OTUD7B: variants seen among roughly 807,000 people sequenced by gnomAD.
OTUD7B encodes the protein OTU domain-containing protein 7B.
Under a neutral mutation model 82.2 loss-of-function variants are expected in OTUD7B, and 34 were observed. The observed-to-expected ratio is 0.41, with a 90% CI of 0.31 to 0.55. The LOEUF (loss-of-function observed/expected upper bound fraction) is 0.55. Ranked by LOEUF, OTUD7B falls within the 20% of genes least tolerant of loss-of-function variation. The pLI is 0.20. For synonymous variants in OTUD7B, 398 were observed against 402.7 expected (o/e 0.99, Z 0.14); for missense variants, 944 against 1,062.1 (o/e 0.89, Z 1.55).
At chr1:150,022,767 A>C in the OTUD7B span, among the ~76,000 whole-genome samples, 1 of 152,210 alleles carries the variant, frequency 6.6e-6, no homozygotes, top group African/African-American at 2.4e-5. Flanking sequence ...TTAACTCTTT[A>C]GTATCCCACC....
At chr1:150,029,277 C>T in the OTUD7B span, among the ~76,000 whole-genome samples, 1 of 151,960 alleles carries the variant, frequency 6.6e-6, no homozygotes, top group African/African-American at 2.4e-5. Context: ...AACAACAATC[C>T]CTACTGTGGT....
intron 1 of OTUD7B, among the ~76,000 whole-genome samples, chr1:149,995,665 A>AGAACTTAG (rs1553783197): frequency 6.6e-6 from 1 of 152,086 alleles, no homozygotes; most frequent in Non-Finnish European, 1.5e-5. Flanking sequence ...CTCAATTCCT[A>AGAACTTAG]CTGGAACTCA....
chr1:149,996,313 C>A (rs1287600828), intron 1 of OTUD7B, among the ~76,000 whole-genome samples: 13 of 152,136 alleles, frequency 8.5e-5, no homozygotes, highest in Admixed American at 8.5e-4. Context: ...CATTATTGTG[C>A]AAGTATGCTT....
chr1:150,013,854 G>A (rs1223014008), upstream of OTUD7B, among the ~76,000 whole-genome samples: 4 of 146,202 alleles, frequency 2.7e-5, no homozygotes, highest in East Asian at 2.0e-4. Context: ...CTCGGGAGGC[G>A]GAGCTTGCAG....
At chr1:150,003,533 C>A (rs1571735763) in intron 1 of OTUD7B, among the ~76,000 whole-genome samples, 1 of 152,158 alleles carries the variant, frequency 6.6e-6, no homozygotes, top group African/African-American at 2.4e-5. Flanking sequence ...AGAACTGACC[C>A]TTGGGCTCCC....
At chr1:150,049,675 G>A in the OTUD7B span, among the ~76,000 whole-genome samples, 48 of 120,280 alleles carry the variant, frequency 4.0e-4, no homozygotes, top group Middle Eastern at 0.018. Flanking sequence ...TTACAGGCTC[G>A]ACCTCCTGGG....
chr1:150,045,384 G>A, the OTUD7B span, among the ~76,000 whole-genome samples: 9 of 152,150 alleles, frequency 5.9e-5, no homozygotes, highest in African/African-American at 2.2e-4. Context: ...GTGAGCCACC[G>A]TGTCCAGCCA....
chr1:149,966,886 A>C (rs957318564), intron 4 of OTUD7B, among the ~76,000 whole-genome samples: 1 of 152,214 alleles, frequency 6.6e-6, no homozygotes, highest in Non-Finnish European at 1.5e-5. Context: ...GATAAGAATT[A>C]ATTTTAACAA....
intron 1 of OTUD7B, among the ~76,000 whole-genome samples, chr1:150,003,194 G>A (rs1388655111): frequency 1.3e-5 from 2 of 149,570 alleles, no homozygotes; most frequent in Non-Finnish European, 3.0e-5. Flanking sequence ...AGCTTGCAGT[G>A]AGCTGAGATT....
intron 7 of OTUD7B, among the ~76,000 whole-genome samples, chr1:149,959,072 A>AT (rs1648942736): frequency 6.6e-6 from 1 of 151,906 alleles, no homozygotes; most frequent in African/African-American, 2.4e-5. Flanking sequence ...AAATACAAAA[A>AT]TTAGCTGGGC....
At chr1:149,991,498 T>C (rs1443660389) in intron 1 of OTUD7B, among the ~76,000 whole-genome samples, 5 of 152,238 alleles carry the variant, frequency 3.3e-5, no homozygotes, top group Admixed American at 1.3e-4. Context: ...TTGGGTCTTA[T>C]GTAGAACAAA....
At chr1:149,992,504 C>A (rs1651661040) in intron 1 of OTUD7B, among the ~76,000 whole-genome samples, 1 of 81,004 alleles carries the variant, frequency 1.2e-5, no homozygotes. Flanking sequence ...AGTACAGAGT[C>A]TCACTCTGTC....
At chr1:149,996,803 C>T (rs1651953219) in intron 1 of OTUD7B, among the ~76,000 whole-genome samples, 1 of 152,092 alleles carries the variant, frequency 6.6e-6, no homozygotes. Context: ...TATTCTCCAG[C>T]CAGGTCAGAA....
At chr1:149,960,413 T>TTTTTTTTTTTTTTTTTTTTTTTTTTTTTG (rs1366020859) in intron 6 of OTUD7B, among the ~76,000 whole-genome samples, 1 of 72,566 alleles carries the variant, frequency 1.4e-5, no homozygotes, top group Admixed American at 2.2e-4. Context: ...TTTTTTTTTG[T>TTTTTTTTTTTTTTTTTTTTTTTTTTTTTG]AGACAGAGTC....
At chr1:150,001,964 C>A (rs1652319625) in intron 1 of OTUD7B, among the ~76,000 whole-genome samples, 1 of 152,150 alleles carries the variant, frequency 6.6e-6, no homozygotes, top group Non-Finnish European at 1.5e-5. Flanking sequence ...GCAAAAGTGA[C>A]TAAAACACAA....
At chr1:149,965,555 T>C (rs1055731605) in intron 5 of OTUD7B, among the ~76,000 whole-genome samples, 2 of 152,216 alleles carry the variant, frequency 1.3e-5, no homozygotes, top group South Asian at 2.1e-4. Flanking sequence ...CCCAAGCTAA[T>C]ATCTGTGCTC....
chr1:149,980,487 G>A (rs1347821045), intron 1 of OTUD7B, among the ~76,000 whole-genome samples: 7 of 151,906 alleles, frequency 4.6e-5, no homozygotes, highest in African/African-American at 9.7e-5. Flanking sequence ...TTGGGAGGCC[G>A]AGGAGGGTGG....
chr1:149,971,386 A>C (rs587668829), intron 2 of OTUD7B, 135 bp from the exon 3 acceptor site: 45 of 480,832 alleles, frequency 9.4e-5, no homozygotes, highest in African/African-American at 8.6e-4. Context: ...ACCCTGCTTT[A>C]ATTTTCTTTA....
chr1:149,985,429 A>T (rs189714987), intron 1 of OTUD7B, among the ~76,000 whole-genome samples: 138 of 152,076 alleles, frequency 9.1e-4, no homozygotes, highest in Non-Finnish European at 1.2e-3. Flanking sequence ...CAAAAAAACA[A>T]ATTCCTATAC....
Sources: gnomAD v4.1 joint callset for allele counts (sites outside exome capture counted in the v4.1 genomes callset) on GRCh38, gnomAD v4.1.1 for gene constraint, MANE v1.5 for transcripts, NCBI Gene and HGNC (gene_info 2026-07-23, HGNC 2026-07-21) for gene names.